EPC2: variants seen among roughly 807,000 people sequenced by gnomAD.
The protein encoded by EPC2 is enhancer of polycomb 2.
EPC2 carries 14 observed loss-of-function variants against 92.1 expected under a neutral mutation model. That is an observed-to-expected ratio of 0.15 (90% CI 0.10 to 0.24). EPC2 has a LOEUF of 0.24. EPC2 is among the 10% of genes least tolerant of loss of function. The pLI is 1.00. For synonymous variants in EPC2, 340 were observed against 334.7 expected (o/e 1.02, Z -0.17); for missense variants, 755 against 971.5 (o/e 0.78, Z 2.96).
chr2:148,784,510 A>G (rs1683822821), intron 12 of EPC2, among the ~76,000 whole-genome samples, 158 bp from the exon 13 acceptor site: 1 of 152,210 alleles, frequency 6.6e-6, no homozygotes, highest in South Asian at 2.1e-4. Flanking sequence ...AGTACATTCT[A>G]CTTAGTGATC....
intron 1 of EPC2, among the ~76,000 whole-genome samples, chr2:148,653,523 CTG>C (rs1030132194): frequency 4.6e-5 from 7 of 152,192 alleles, no homozygotes; most frequent in Admixed American, 3.9e-4. Flanking sequence ...AGGGTTAACA[CTG>C]TGGAGGAAGA....
chr2:148,699,371 A>T (rs1268512104), intron 2 of EPC2, among the ~76,000 whole-genome samples: 5 of 152,184 alleles, frequency 3.3e-5, no homozygotes, highest in African/African-American at 4.8e-5. Context: ...AATGCGTAAC[A>T]TGGATCCATG....
chr2:148,663,255 C>G (rs1004014997), intron 1 of EPC2, among the ~76,000 whole-genome samples: 1 of 144,062 alleles, frequency 6.9e-6, no homozygotes, highest in African/African-American at 2.5e-5. Context: ...GACAGAGTCT[C>G]TCGCCCAAGC....
At chr2:148,665,376 A>G (rs978582801) in intron 1 of EPC2, among the ~76,000 whole-genome samples, 1 of 152,186 alleles carries the variant, frequency 6.6e-6, no homozygotes, top group Non-Finnish European at 1.5e-5. Context: ...AATTTTTTTT[A>G]CTACTGTCAT....
intron 2 of EPC2, among the ~76,000 whole-genome samples, chr2:148,708,955 C>T (rs147982124): frequency 0.017 from 2,644 of 152,292 alleles, 27 homozygotes; most frequent in Middle Eastern, 0.085. Flanking sequence ...TGCCCTCTCT[C>T]ACCACTCCTA....
chr2:148,770,618 T>A (rs1574633618), intron 8 of EPC2, among the ~76,000 whole-genome samples, 174 bp from the exon 9 acceptor site: 1 of 152,204 alleles, frequency 6.6e-6, no homozygotes, highest in South Asian at 2.1e-4. Context: ...TGATTCAATT[T>A]TGTAAAATTT....
chr2:148,778,677 G>T (rs1215281457), intron 10 of EPC2, among the ~76,000 whole-genome samples: 1 of 151,990 alleles, frequency 6.6e-6, no homozygotes, highest in African/African-American at 2.4e-5. Context: ...AGGATGTTTT[G>T]TATGTGTTCC....
chr2:148,692,136 C>G (rs1342522443), intron 2 of EPC2: 1 of 227,992 alleles, frequency 4.4e-6, no homozygotes, highest in Non-Finnish European at 8.7e-6. Context: ...CATTCACCTT[C>G]TTTCATATTT....
intron 1 of EPC2, among the ~76,000 whole-genome samples, chr2:148,660,586 T>TA (rs889405319): frequency 6.6e-6 from 1 of 151,848 alleles, no homozygotes; most frequent in Non-Finnish European, 1.5e-5. Context: ...TTTTTTTTTT[T>TA]AAGTCCTTAA....
At chr2:148,712,966 G>T (rs777484606) in intron 2 of EPC2, among the ~76,000 whole-genome samples, 4 of 152,100 alleles carry the variant, frequency 2.6e-5, no homozygotes, top group Non-Finnish European at 4.4e-5. Context: ...CGTGAGGCAG[G>T]AAGGTCCCTT....
At chr2:148,652,373 A>G (rs1680704391) in intron 1 of EPC2, among the ~76,000 whole-genome samples, 1 of 152,188 alleles carries the variant, frequency 6.6e-6, no homozygotes, top group South Asian at 2.1e-4. Flanking sequence ...GCTTAGAATA[A>G]TTTGTATGTG....
intron 3 of EPC2, among the ~76,000 whole-genome samples, chr2:148,753,271 C>T (rs183474114): frequency 6.6e-6 from 1 of 152,150 alleles, no homozygotes; most frequent in Non-Finnish European, 1.5e-5. Flanking sequence ...GCCACTGTCC[C>T]AGGACATGAC....
intron 1 of EPC2, among the ~76,000 whole-genome samples, chr2:148,681,470 GT>G (rs1204820351): frequency 6.6e-6 from 1 of 152,182 alleles, no homozygotes; most frequent in Non-Finnish European, 1.5e-5. Flanking sequence ...GTTACAGGCA[GT>G]AAGACCTTAT....
intron 1 of EPC2, among the ~76,000 whole-genome samples, chr2:148,654,537 A>G (rs987683974): frequency 2.6e-5 from 4 of 152,162 alleles, no homozygotes; most frequent in African/African-American, 9.7e-5. Context: ...ATGTACCTGT[A>G]GTCTCAGCTA....
intron 2 of EPC2, among the ~76,000 whole-genome samples, chr2:148,739,088 T>G (rs1040970436): frequency 3.3e-5 from 5 of 152,184 alleles, no homozygotes; most frequent in African/African-American, 1.2e-4. Context: ...GGTTCACAGT[T>G]CGTCACTCCT....
chr2:148,774,684 GAA>G (rs1489628110), intron 10 of EPC2, among the ~76,000 whole-genome samples: 1 of 149,618 alleles, frequency 6.7e-6, no homozygotes, highest in Admixed American at 6.8e-5. Flanking sequence ...AAGGAAAATT[GAA>G]AAGTGTATCC....
Position 148,770,801 on chromosome 2 carries a change from G to T in EPC2, c.1240G>T (p.Asp414Tyr). The T allele has an allele frequency of 6.2e-7, 1 of 1,607,488 alleles. No homozygotes were observed. Among genetic ancestry groups the T allele is most frequent in the South Asian group, 1.1e-5 (1 of 88,962 alleles). ...AGCQYYAPRL[D>Y]QANHSCENSE... ...TTTTCTTTCTTTGCAGCCTCGTTTGGACCAAGCTAACCATTCATGTGAAAA... is the reference window on the plus strand; with the variant it reads ...TTTTCTTTCTTTGCAGCCTCGTTTGTACCAAGCTAACCATTCATGTGAAAA... Residue 414 changes from aspartate (D) to tyrosine (Y), a missense_variant, in exon 9 of 14, where the codon GAC becomes TAC. Coordinates refer to ENST00000258484, the MANE Select transcript of EPC2 (RefSeq NM_015630.4).
At chr2:148,736,688 T>TC (rs1226255337) in intron 2 of EPC2, among the ~76,000 whole-genome samples, 1 of 152,220 alleles carries the variant, frequency 6.6e-6, no homozygotes, top group East Asian at 1.9e-4. Flanking sequence ...TTACTTTTTT[T>TC]CCACACTTAC....
intron 11 of EPC2, among the ~76,000 whole-genome samples, chr2:148,782,701 GAT>G (rs1192714900): frequency 1.3e-5 from 2 of 152,208 alleles, no homozygotes; most frequent in Non-Finnish European, 2.9e-5. Context: ...CCAACACCTT[GAT>G]TTTAACCCCA....
Sources: allele counts gnomAD v4.1 joint callset (sites outside exome capture counted in the v4.1 genomes callset), GRCh38; gene constraint gnomAD v4.1.1; transcripts MANE v1.5; gene names NCBI Gene and HGNC (gene_info 2026-07-23, HGNC 2026-07-21).